The following RBFOX1 variants were observed in gnomAD, a reference collection of about 807,000 sequenced individuals.
The protein encoded by RBFOX1 is RNA binding protein fox-1 homolog 1.
RBFOX1 carries 8 observed loss-of-function variants against 57.7 expected under a neutral mutation model. That is an observed-to-expected ratio of 0.14 (90% CI 0.08 to 0.25). The LOEUF (loss-of-function observed/expected upper bound fraction) is 0.25. Among genes scored for constraint, RBFOX1 ranks in the 10% least tolerant of loss-of-function variants. The pLI is 1.00. For missense variants in RBFOX1, 611 were observed against 548.5 expected (o/e 1.11, Z -1.14); for synonymous variants, 326 against 222.4 (o/e 1.47, Z -4.15).
intron 2 of RBFOX1, among the ~76,000 whole-genome samples, chr16:5,563,042 C>T (rs1047641324): frequency 2.6e-5 from 4 of 152,110 alleles, no homozygotes; most frequent in Non-Finnish European, 5.9e-5. Flanking sequence ...CTCTGCCTCC[C>T]AGGTTCAAGT....
intron 1 of RBFOX1, among the ~76,000 whole-genome samples, chr16:6,023,565 G>A (rs931374726): frequency 1.3e-5 from 2 of 152,116 alleles, no homozygotes; most frequent in Admixed American, 6.5e-5. Flanking sequence ...GAGGGAAATC[G>A]TATTTGACAC....
chr16:5,965,191 C>A (rs1203310553), intron 4 of RBFOX1, among the ~76,000 whole-genome samples: 4 of 152,086 alleles, frequency 2.6e-5, no homozygotes, highest in African/African-American at 9.7e-5. Flanking sequence ...TATAAGTTTT[C>A]AGTTATAAGT....
chr16:5,563,565 A>G (rs2045960733), intron 2 of RBFOX1, among the ~76,000 whole-genome samples: 1 of 152,166 alleles, frequency 6.6e-6, no homozygotes, highest in Non-Finnish European at 1.5e-5. Flanking sequence ...TTGGTCATCA[A>G]ATTTGATGCT....
chr16:5,650,190 G>T (rs1217896790), intron 3 of RBFOX1, among the ~76,000 whole-genome samples: 1 of 152,204 alleles, frequency 6.6e-6, no homozygotes, highest in Non-Finnish European at 1.5e-5. Context: ...CGTAAGACGA[G>T]GCTCTCAATC....
intron 3 of RBFOX1, among the ~76,000 whole-genome samples, chr16:5,605,833 G>A (rs1040030575): frequency 4.6e-5 from 7 of 151,512 alleles, no homozygotes; most frequent in South Asian, 2.1e-4. Flanking sequence ...ACTCTTGAAT[G>A]GTAATGTCTG....
Position 6,172,723 on chromosome 16 carries a change from C to T in RBFOX1, c.-126-144272C>T, listed in dbSNP as rs142247230. ...AGGATCACACATATAGAGTACATCA[C>T]AAACAATGTAAGCTGCAGGACAGAA... On this transcript the variant is annotated intron_variant, in intron 1 of 15. Transcript: ENST00000550418. 5.2e-4 allele frequency among the ~76,000 whole-genome samples: 79 copies of T among 152,304 alleles called. No homozygotes were observed. In the East Asian group the frequency reaches 0.014, roughly 26 times the overall value.
At chr16:7,292,139 CGT>C (rs2095793874) in intron 4 of RBFOX1, among the ~76,000 whole-genome samples, 1 of 98,776 alleles carries the variant, frequency 1.0e-5, no homozygotes, top group African/African-American at 3.8e-5. Context: ...TAATGTATTA[CGT>C]ATGATATATA....
chr16:6,382,879 C>T (rs539533518), intron 2 of RBFOX1, among the ~76,000 whole-genome samples: 10 of 151,956 alleles, frequency 6.6e-5, no homozygotes, highest in Non-Finnish European at 1.2e-4. Context: ...AATGCTTTTA[C>T]TCTCAAGCCC....
chr16:5,909,244 C>T (rs555728839), intron 4 of RBFOX1, among the ~76,000 whole-genome samples: 3 of 151,756 alleles, frequency 2.0e-5, no homozygotes, highest in Non-Finnish European at 4.4e-5. Flanking sequence ...AGGCACCCAC[C>T]ACCACGCCTG....
At chr16:6,034,350 A>AAAG (rs1555481263) in intron 1 of RBFOX1, among the ~76,000 whole-genome samples, 3 of 142,226 alleles carry the variant, frequency 2.1e-5, no homozygotes, top group Non-Finnish European at 4.6e-5. Flanking sequence ...AAAAAAAAAA[A>AAAG]AAAAAAAGAA....
chr16:7,074,274 C>T (rs1431019823), intron 4 of RBFOX1, among the ~76,000 whole-genome samples: 9 of 152,156 alleles, frequency 5.9e-5, no homozygotes. Flanking sequence ...GATGAGTTCG[C>T]AGATGGGAAG....
At chr16:7,190,369 T>G (rs1200526293) in intron 4 of RBFOX1, among the ~76,000 whole-genome samples, 2 of 152,008 alleles carry the variant, frequency 1.3e-5, no homozygotes, top group Admixed American at 6.6e-5. Flanking sequence ...ATAAATAAAA[T>G]AAAAATAATA....
intron 4 of RBFOX1, among the ~76,000 whole-genome samples, chr16:7,257,663 C>A (rs1032027337): frequency 6.6e-6 from 1 of 152,176 alleles, no homozygotes; most frequent in Non-Finnish European, 1.5e-5. Context: ...TCCTCTGTAG[C>A]CATCCTTGGG....
chr16:6,642,386 G>C (rs771756212), intron 2 of RBFOX1, among the ~76,000 whole-genome samples: 2 of 152,130 alleles, frequency 1.3e-5, no homozygotes, highest in Non-Finnish European at 2.9e-5. Context: ...CCAATGCATA[G>C]CTCTTATTTG....
chr16:7,227,326 G>A (rs184439263), intron 4 of RBFOX1, among the ~76,000 whole-genome samples: 16 of 135,340 alleles, frequency 1.2e-4, no homozygotes, highest in Admixed American at 1.1e-3. Context: ...AGGAATTTGC[G>A]TTTGCTTTGC....
chr16:5,951,000 C>A (rs1003303698), intron 4 of RBFOX1, among the ~76,000 whole-genome samples: 6 of 152,120 alleles, frequency 3.9e-5, no homozygotes, highest in African/African-American at 1.4e-4. Context: ...AAGTGTAACT[C>A]ACTTTTCATC....
At chr16:7,117,242 G>C (rs903403211) in intron 4 of RBFOX1, among the ~76,000 whole-genome samples, 2 of 152,038 alleles carry the variant, frequency 1.3e-5, no homozygotes, top group Non-Finnish European at 2.9e-5. Context: ...TGTTAAACTC[G>C]GGAAAAACTG....
chr16:6,653,349 C>T (rs533253265), intron 2 of RBFOX1, among the ~76,000 whole-genome samples: 111 of 152,266 alleles, frequency 7.3e-4, no homozygotes, highest in Non-Finnish European at 1.3e-3. Flanking sequence ...ATCACCAGGG[C>T]GGGCCTGCCA....
At chr16:6,464,659 A>T (rs764363108) in intron 2 of RBFOX1, among the ~76,000 whole-genome samples, 3 of 152,232 alleles carry the variant, frequency 2.0e-5, no homozygotes, top group Non-Finnish European at 2.9e-5. Context: ...TGCTATAGTT[A>T]ATTCTTCGCA....
Sources: gnomAD v4.1 joint callset for allele counts (sites outside exome capture counted in the v4.1 genomes callset) on GRCh38, gnomAD v4.1.1 for gene constraint, MANE v1.5 for transcripts, NCBI Gene and HGNC (gene_info 2026-07-23, HGNC 2026-07-21) for gene names.